TMEM71: variants seen among roughly 807,000 people sequenced by gnomAD.
TMEM71 encodes transmembrane protein 71.
In TMEM71, 44 loss-of-function variants were observed where a neutral mutation model predicts 38.0. That is an observed-to-expected ratio of 1.16 (90% CI 0.91 to 1.49). The LOEUF (loss-of-function observed/expected upper bound fraction) is 1.49, where lower values mean the gene tolerates loss of function less well. TMEM71 is among the 40% of genes most tolerant of loss of function. TMEM71 has a pLI of 0.00. For missense variants in TMEM71, 367 were observed against 348.6 expected (o/e 1.05, Z -0.42); for synonymous variants, 133 against 122.5 (o/e 1.09, Z -0.56).
intron 7 of TMEM71, among the ~76,000 whole-genome samples, chr8:132,717,569 C>G (rs1227451328): frequency 6.6e-6 from 1 of 152,154 alleles, no homozygotes; most frequent in African/African-American, 2.4e-5. Flanking sequence ...CAGGATGGCT[C>G]TAGTCAAAAA....
chr8:132,752,872 G>A (rs1397157458), intron 3 of TMEM71, among the ~76,000 whole-genome samples: 1 of 148,202 alleles, frequency 6.7e-6, no homozygotes, highest in Non-Finnish European at 1.5e-5. Context: ...AGGAAGGAAG[G>A]AAGGAAGGAA....
chr8:132,731,044 G>C (rs964934843), intron 5 of TMEM71, among the ~76,000 whole-genome samples: 5 of 152,178 alleles, frequency 3.3e-5, no homozygotes, highest in Non-Finnish European at 7.4e-5. Context: ...GCATCAGAAA[G>C]ACTGAAACAT....
intron 5 of TMEM71, among the ~76,000 whole-genome samples, chr8:132,730,429 A>C (rs1216700691): frequency 2.0e-5 from 3 of 152,206 alleles, no homozygotes; most frequent in Non-Finnish European, 2.9e-5. Context: ...TGAGCTCACA[A>C]TCTAAAATTA....
intron 9 of TMEM71, among the ~76,000 whole-genome samples, chr8:132,711,426 C>T (rs547952697): frequency 6.6e-6 from 1 of 152,192 alleles, no homozygotes; most frequent in African/African-American, 2.4e-5. Flanking sequence ...TTGCTCTCTC[C>T]TGCCCCGTAG....
At position 132,728,004 on chromosome 8, in the gene TMEM71, T is replaced by G; in HGVS notation, c.488-18A>C. The stretch of plus-strand genomic sequence containing the variant: ...ATCATCTGCTGAAAAAGCAGAGGGG[T>G]TCAGTGTGAGTGTGTGTGTGTGTGT... On this transcript the variant is annotated intron_variant, in intron 5 of 9. Coordinates refer to ENST00000677595, the MANE Select transcript of TMEM71 (RefSeq NM_001382403.1). The G allele has an allele frequency of 6.4e-7, 1 of 1,566,084 alleles. No homozygotes were observed. The highest frequency in any genetic ancestry group is 8.6e-7 in the Non-Finnish European group (1 of 1,159,520).
At chr8:132,729,573 T>G (rs574363371) in intron 5 of TMEM71, among the ~76,000 whole-genome samples, 1 of 152,274 alleles carries the variant, frequency 6.6e-6, no homozygotes, top group African/African-American at 2.4e-5. Context: ...GCCCAACAAA[T>G]GTACTTTTCT....
intron 5 of TMEM71, among the ~76,000 whole-genome samples, chr8:132,729,671 C>A (rs1183835227): frequency 6.6e-6 from 1 of 152,046 alleles, no homozygotes; most frequent in Non-Finnish European, 1.5e-5. Flanking sequence ...GACAAAGCTG[C>A]CAAAAGGGGT....
intron 1 of TMEM71, 86 bp downstream of exon 1, chr8:132,760,390 A>G (rs1829263073): frequency 1.3e-5 from 2 of 152,252 alleles, no homozygotes; most frequent in Non-Finnish European, 2.9e-5. Flanking sequence ...CAGTGGAAAA[A>G]TTGAGGACTG....
At chr8:132,708,243 C>T (rs1422854438), downstream of TMEM71, among the ~76,000 whole-genome samples, 4 of 152,138 alleles carry the variant, frequency 2.6e-5, no homozygotes, top group Non-Finnish European at 5.9e-5. Flanking sequence ...TACAAGTCTT[C>T]CTGGCAGCAC....
chr8:132,725,222 G>T (rs1374542284), intron 6 of TMEM71, among the ~76,000 whole-genome samples: 3 of 151,982 alleles, frequency 2.0e-5, no homozygotes, highest in South Asian at 4.1e-4. Context: ...TAGAAATGGG[G>T]TCTCACCATG....
chr8:132,774,623 A>G, the TMEM71 span, among the ~76,000 whole-genome samples: 1 of 152,238 alleles, frequency 6.6e-6, no homozygotes, highest in Non-Finnish European at 1.5e-5. Context: ...CAAGAGAAAA[A>G]AGATGTTTCA....
chr8:132,722,622 T>G (rs1175438199), intron 6 of TMEM71, among the ~76,000 whole-genome samples: 9 of 152,208 alleles, frequency 5.9e-5, no homozygotes, highest in Admixed American at 2.0e-4. Flanking sequence ...CAAGGTCACA[T>G]AGCTATGAGG....
intron 5 of TMEM71, among the ~76,000 whole-genome samples, chr8:132,745,151 G>A (rs1414061295): frequency 1.3e-5 from 2 of 152,042 alleles, no homozygotes; most frequent in African/African-American, 4.8e-5. Flanking sequence ...AAAAGCAATT[G>A]CAACAAAAAC....
intron 3 of TMEM71, among the ~76,000 whole-genome samples, chr8:132,752,396 A>C (rs1013286033): frequency 1.3e-5 from 2 of 152,172 alleles, no homozygotes; most frequent in Non-Finnish European, 2.9e-5. Flanking sequence ...GTGACACATT[A>C]TAACTATGTA....
chr8:132,715,919 G>T (rs762499734), intron 7 of TMEM71, among the ~76,000 whole-genome samples: 2 of 152,202 alleles, frequency 1.3e-5, no homozygotes, highest in Non-Finnish European at 2.9e-5. Flanking sequence ...GACAGAAATG[G>T]TGGGAAAAAC....
chr8:132,748,838 G>A (rs1828535006), intron 4 of TMEM71, among the ~76,000 whole-genome samples: 1 of 152,132 alleles, frequency 6.6e-6, no homozygotes, highest in African/African-American at 2.4e-5. Flanking sequence ...AAACTGATTC[G>A]CTAAAGTCAG....
chr8:132,721,537 T>C (rs1331135885), intron 7 of TMEM71, among the ~76,000 whole-genome samples: 1 of 151,842 alleles, frequency 6.6e-6, no homozygotes, highest in African/African-American at 2.4e-5. Flanking sequence ...GGTTTTCTTT[T>C]TCTTTTTTTT....
At chr8:132,773,397 G>T in the TMEM71 span, among the ~76,000 whole-genome samples, 1 of 152,134 alleles carries the variant, frequency 6.6e-6, no homozygotes, top group African/African-American at 2.4e-5. Flanking sequence ...AAGACCCATT[G>T]TCAAGTTCCA....
At chr8:132,713,945 A>G in intron 9 of TMEM71, 50 bp downstream of exon 9, 1 of 1,579,930 alleles carries the variant, frequency 6.3e-7, no homozygotes, top group Non-Finnish European at 8.7e-7. Flanking sequence ...CAGATATCAA[A>G]TTATGATCAC....
Sources: allele counts gnomAD v4.1 joint callset (sites outside exome capture counted in the v4.1 genomes callset), GRCh38; gene constraint gnomAD v4.1.1; transcripts MANE v1.5; gene names NCBI Gene and HGNC (gene_info 2026-07-23, HGNC 2026-07-21).